The following CCSER1 variants were observed in gnomAD, a reference collection of about 807,000 sequenced individuals.
CCSER1 encodes the protein serine-rich coiled-coil domain-containing protein 1.
CCSER1 carries 41 observed loss-of-function variants against 82.0 expected under a neutral mutation model. The ratio of observed to expected loss-of-function variants is 0.50; its 90% confidence interval spans 0.39 to 0.65. CCSER1 has a LOEUF of 0.65. Ranked by LOEUF, CCSER1 falls within the 30% of genes least tolerant of loss-of-function variation. The probability of loss-of-function intolerance (pLI) is 0.00; values close to 1 mark genes in which losing one functional copy is unlikely to be tolerated. For synonymous variants in CCSER1, 414 were observed against 383.9 expected (o/e 1.08, Z -0.92); for missense variants, 1,119 against 1,064.2 (o/e 1.05, Z -0.72).
chr4:90,792,176 A>G (rs1459172730), intron 7 of CCSER1, among the ~76,000 whole-genome samples: 1 of 152,096 alleles, frequency 6.6e-6, no homozygotes, highest in African/African-American at 2.4e-5. Context: ...CACAATGTTG[A>G]CATCTCTGCT....
chr4:90,464,996 G>T (rs553240807), intron 4 of CCSER1, among the ~76,000 whole-genome samples: 1 of 152,098 alleles, frequency 6.6e-6, no homozygotes, highest in African/African-American at 2.4e-5. Flanking sequence ...ACGGGGTCTC[G>T]CCCTGTGGCC....
At chr4:90,898,929 C>T (rs932217683) in intron 8 of CCSER1, among the ~76,000 whole-genome samples, 1 of 151,684 alleles carries the variant, frequency 6.6e-6, no homozygotes, top group Admixed American at 6.6e-5. Context: ...GGTATTTAGG[C>T]ATTTTTTGGT....
At chr4:90,177,066 C>A (rs1560747422) in intron 1 of CCSER1, among the ~76,000 whole-genome samples, 1 of 151,992 alleles carries the variant, frequency 6.6e-6, no homozygotes, top group Non-Finnish European at 1.5e-5. Context: ...TTAAAAAATG[C>A]CCTCTTGTAA....
chr4:90,628,669 G>A (rs1007522632), intron 6 of CCSER1, among the ~76,000 whole-genome samples: 15 of 152,168 alleles, frequency 9.9e-5, no homozygotes, highest in African/African-American at 3.4e-4. Context: ...CAGTAAAATT[G>A]AATTACAGTA....
chr4:90,225,218 G>A (rs1028794419), intron 1 of CCSER1, among the ~76,000 whole-genome samples: 16 of 138,494 alleles, frequency 1.2e-4, no homozygotes, highest in African/African-American at 2.9e-5. Context: ...GTGCACACCA[G>A]CATACCCGGC....
At chr4:90,548,566 C>T (rs1777070236) in intron 5 of CCSER1, among the ~76,000 whole-genome samples, 1 of 152,016 alleles carries the variant, frequency 6.6e-6, no homozygotes, top group African/African-American at 2.4e-5. Context: ...AACTCTAAGA[C>T]TCTAGGTCCT....
intron 10 of CCSER1, among the ~76,000 whole-genome samples, chr4:91,464,684 A>G (rs1756759319): frequency 6.6e-6 from 1 of 152,228 alleles, no homozygotes; most frequent in Non-Finnish European, 1.5e-5. Flanking sequence ...GGAAAACAAA[A>G]AAATGGCAGG....
chr4:91,180,625 TCTC>T (rs1445896217), intron 10 of CCSER1, among the ~76,000 whole-genome samples: 1 of 152,152 alleles, frequency 6.6e-6, no homozygotes, highest in Non-Finnish European at 1.5e-5. Context: ...CAGGATTTAA[TCTC>T]CTGGTGTGCC....
At chr4:90,832,747 G>C (rs150780452) in intron 8 of CCSER1, among the ~76,000 whole-genome samples, 9 of 152,264 alleles carry the variant, frequency 5.9e-5, no homozygotes, top group African/African-American at 2.2e-4. Flanking sequence ...ACACTTTATA[G>C]ATTTGTCCTT....
intron 7 of CCSER1, among the ~76,000 whole-genome samples, chr4:90,728,690 CTACCATGAAATACTGG>C (rs1001433378): frequency 4.6e-5 from 7 of 152,036 alleles, no homozygotes; most frequent in South Asian, 4.2e-4. Context: ...AACATATATT[CTACCATGAAATACTGG>C]TATGTTAAGC....
In CCSER1 at chr4:90,727,189, G is replaced by A. The variant is rs769263837; in HGVS notation, c.2010+3198G>A. ...GGCAAATGTATAACCTCTAGTTTTT[G>A]TTGTTTTTTAATAGAATATTCAGCA... On this transcript the variant is annotated intron_variant, in intron 7 of 10. Coordinates refer to ENST00000509176, the MANE Select transcript of CCSER1 (RefSeq NM_001145065.2). 47 of 453,396 alleles carry A rather than the reference G, an allele frequency of 1.0e-4. 1 individual carries two copies. The highest frequency in any genetic ancestry group is 7.2e-4 in the South Asian group (46 of 64,010). The allele number at this position is 453,396 out of a possible 1,614,324, so 28.1% of individuals were successfully genotyped here. A position where few individuals can be genotyped will look rare whatever the true frequency, so the allele number is the denominator to read the frequency against.
chr4:90,670,284 G>A (rs62314396), intron 6 of CCSER1, among the ~76,000 whole-genome samples: 1 of 152,092 alleles, frequency 6.6e-6, no homozygotes, highest in African/African-American at 2.4e-5. Flanking sequence ...AGCAGACGTT[G>A]AGACAGGATT....
chr4:90,856,419 T>G (rs1039697806), intron 8 of CCSER1, among the ~76,000 whole-genome samples: 2 of 152,196 alleles, frequency 1.3e-5, no homozygotes, highest in Non-Finnish European at 2.9e-5. Context: ...TTTATATTCT[T>G]GATAGTTTCA....
At chr4:90,875,090 G>A (rs1358283999) in intron 8 of CCSER1, among the ~76,000 whole-genome samples, 1 of 151,934 alleles carries the variant, frequency 6.6e-6, no homozygotes, top group Non-Finnish European at 1.5e-5. Context: ...AACAAAAACT[G>A]CATCATCTCT....
chr4:91,376,630 A>C (rs141787005), intron 10 of CCSER1, among the ~76,000 whole-genome samples: 2,990 of 152,290 alleles, frequency 0.02, 76 homozygotes, highest in African/African-American at 0.067. Flanking sequence ...AATTAAAGAA[A>C]AAAATTATTC....
At chr4:91,146,250 A>G (rs2148940582) in intron 10 of CCSER1, among the ~76,000 whole-genome samples, 1 of 152,332 alleles carries the variant, frequency 6.6e-6, no homozygotes, top group Middle Eastern at 3.4e-3. Flanking sequence ...AAATTTCTGT[A>G]GTGAATTTTT....
In CCSER1 at chr4:91,478,837, T is replaced by C. The variant is rs139115872; in HGVS notation, c.2218-119735T>C. Among the ~76,000 whole-genome samples the C allele has an allele frequency of 3.8e-3, 573 of 151,936 alleles. 4 individuals carry two copies. The highest frequency in any genetic ancestry group is 0.012 in the African/African-American group (503 of 41,542). On this transcript the variant is annotated intron_variant, in intron 10 of 10. Transcript: ENST00000509176. ...CGTTTAATATAGAATTTAAGAAATA[T>C]ATAAAAATACTCATTATAATTAAAT...
At chr4:91,213,570 G>A (rs1303027134) in intron 10 of CCSER1, among the ~76,000 whole-genome samples, 1 of 152,118 alleles carries the variant, frequency 6.6e-6, no homozygotes, top group Admixed American at 6.5e-5. Flanking sequence ...ACTTTAAGTG[G>A]CAGGCTTCTA....
rs1744369708 is a variant in CCSER1, at chr4:91,298,181, A to G, written c.2217+212187A>G. 2.0e-5 allele frequency among the ~76,000 whole-genome samples: 3 copies of G among 152,186 alleles called. No homozygotes were observed. The South Asian group carries it at 6.2e-4, about 31-fold the overall frequency. On this transcript the variant is annotated intron_variant, in intron 10 of 10. Coordinates refer to ENST00000509176, the MANE Select transcript of CCSER1 (RefSeq NM_001145065.2). Reference sequence around the variant, plus strand: ...GTAGAAATAAGTATTAGAAAAGTGGATCAGTCAGATTTCCGTGCAAGTATT... The same window carrying G: ...GTAGAAATAAGTATTAGAAAAGTGGGTCAGTCAGATTTCCGTGCAAGTATT...
Sources: allele counts gnomAD v4.1 joint callset (sites outside exome capture counted in the v4.1 genomes callset), GRCh38; gene constraint gnomAD v4.1.1; transcripts MANE v1.5; gene names NCBI Gene and HGNC (gene_info 2026-07-23, HGNC 2026-07-21).